Variants in RAPGEF2 observed in about 807,000 individuals in gnomAD.
The protein encoded by RAPGEF2 is Rap guanine nucleotide exchange factor 2.
RAPGEF2 carries 54 observed loss-of-function variants against 186.7 expected under a neutral mutation model. The observed-to-expected ratio is 0.29, with a 90% CI of 0.23 to 0.36. The LOEUF is 0.36. Ranked by LOEUF, RAPGEF2 falls within the 10% of genes least tolerant of loss-of-function variation. The pLI, the probability that RAPGEF2 is intolerant of heterozygous loss-of-function variation, is 1.00. For synonymous variants in RAPGEF2, 712 were observed against 705.9 expected (o/e 1.01, Z -0.14); for missense variants, 1,532 against 2,045.0 (o/e 0.75, Z 4.84).
intron 6 of RAPGEF2, among the ~76,000 whole-genome samples, chr4:159,242,848 T>C (rs902735943): frequency 3.5e-4 from 53 of 152,198 alleles, no homozygotes; most frequent in African/African-American, 1.3e-3. Context: ...CTAATTTTTT[T>C]CTGCTTTGGA....
intron 1 of RAPGEF2, among the ~76,000 whole-genome samples, chr4:159,134,318 GCTT>G (rs1015797335): frequency 6.6e-6 from 1 of 152,162 alleles, no homozygotes; most frequent in Non-Finnish European, 1.5e-5. Flanking sequence ...TCAATGGTTT[GCTT>G]CTTTTTATTG....
chr4:159,291,892 T>C (rs1265849955), intron 7 of RAPGEF2, among the ~76,000 whole-genome samples: 1 of 152,146 alleles, frequency 6.6e-6, no homozygotes, highest in Non-Finnish European at 1.5e-5. Context: ...TCAAAAGTAA[T>C]TCATATTTAT....
chr4:159,335,906 G>A (rs895069660), intron 17 of RAPGEF2, among the ~76,000 whole-genome samples: 4 of 151,158 alleles, frequency 2.6e-5, no homozygotes, highest in African/African-American at 9.7e-5. Context: ...CTTTTGTGCC[G>A]GAGTGGCCAA....
intron 3 of RAPGEF2, among the ~76,000 whole-genome samples, chr4:159,199,390 A>G (rs539209067): frequency 2.6e-5 from 4 of 152,280 alleles, no homozygotes; most frequent in South Asian, 4.1e-4. Flanking sequence ...CATAATCTTC[A>G]TGAGGGTAGG....
intron 29 of RAPGEF2, among the ~76,000 whole-genome samples, chr4:159,357,064 GA>G (rs1321015568): frequency 2.6e-5 from 4 of 151,750 alleles, no homozygotes; most frequent in Non-Finnish European, 5.9e-5. Context: ...GTCTGATAAA[GA>G]AAGATACATT....
chr4:159,321,697 T>G (rs1038883716), intron 9 of RAPGEF2, among the ~76,000 whole-genome samples: 1 of 152,214 alleles, frequency 6.6e-6, no homozygotes, highest in Non-Finnish European at 1.5e-5. Context: ...TTGAAGAGAC[T>G]GTGACATCAA....
intron 4 of RAPGEF2, among the ~76,000 whole-genome samples, chr4:159,237,070 G>T (rs1234118830): frequency 6.6e-6 from 1 of 152,122 alleles, no homozygotes; most frequent in Non-Finnish European, 1.5e-5. Context: ...GCCCAGGCTA[G>T]AGTGCAGTGG....
At chr4:159,149,756 G>C (rs926892299) in intron 1 of RAPGEF2, among the ~76,000 whole-genome samples, 1 of 152,182 alleles carries the variant, frequency 6.6e-6, no homozygotes, top group Non-Finnish European at 1.5e-5. Context: ...AATTGAGACT[G>C]TCCAGTCTGG....
At chr4:159,220,567 C>T (rs1387937356) in intron 4 of RAPGEF2, among the ~76,000 whole-genome samples, 3 of 152,164 alleles carry the variant, frequency 2.0e-5, no homozygotes, top group Non-Finnish European at 2.9e-5. Flanking sequence ...GCTTCCAACA[C>T]GCTCTACAGT....
chr4:159,335,210 A>G (rs1340513337), intron 17 of RAPGEF2, among the ~76,000 whole-genome samples: 1 of 152,192 alleles, frequency 6.6e-6, no homozygotes, highest in African/African-American at 2.4e-5. Context: ...TGATGTGCAT[A>G]GAGAGGAAGG....
intron 4 of RAPGEF2, among the ~76,000 whole-genome samples, chr4:159,219,646 C>T (rs149720111): frequency 0.061 from 9,332 of 152,178 alleles, 401 homozygotes; most frequent in South Asian, 0.12. Flanking sequence ...TGAGCCACCA[C>T]GCGCAGCCAT....
At chr4:159,242,308 T>A in intron 6 of RAPGEF2, among the ~76,000 whole-genome samples, 1 of 151,738 alleles carries the variant, frequency 6.6e-6, no homozygotes. Flanking sequence ...TAAAAATAGA[T>A]AATTAACAAC....
chr4:159,351,051 G>A (rs770662925), intron 26 of RAPGEF2: 1 of 1,529,720 alleles, frequency 6.5e-7, no homozygotes, highest in Non-Finnish European at 8.8e-7. Context: ...TTCTCATCCT[G>A]TTGTTAGGTG....
intron 7 of RAPGEF2, 22 bp from the exon 8 acceptor site, chr4:159,304,320 G>GT (rs1763027008): frequency 6.4e-7 from 1 of 1,573,130 alleles, no homozygotes; most frequent in African/African-American, 1.4e-5. Flanking sequence ...TGTAATCCTA[G>GT]TTTTTCCTGC....
intron 3 of RAPGEF2, among the ~76,000 whole-genome samples, chr4:159,205,747 G>T (rs537017126): frequency 2.6e-5 from 4 of 152,194 alleles, no homozygotes; most frequent in African/African-American, 7.2e-5. Flanking sequence ...CCCCATGATT[G>T]TAAGTTTCCT....
At chr4:159,316,625 A>G (rs956784273) in intron 9 of RAPGEF2, among the ~76,000 whole-genome samples, 1 of 152,194 alleles carries the variant, frequency 6.6e-6, no homozygotes, top group African/African-American at 2.4e-5. Flanking sequence ...AACTCCATCC[A>G]TGTCCCTGCA....
At chr4:159,108,641 T>C (rs1452936175) in intron 1 of RAPGEF2, among the ~76,000 whole-genome samples, 1 of 152,172 alleles carries the variant, frequency 6.6e-6, no homozygotes, top group Non-Finnish European at 1.5e-5. Context: ...TTTGGGTAGA[T>C]TTTGGATGAT....
intron 10 of RAPGEF2, among the ~76,000 whole-genome samples, 153 bp downstream of exon 10, chr4:159,322,636 C>T (rs1271957393): frequency 6.6e-6 from 1 of 152,182 alleles, no homozygotes; most frequent in Non-Finnish European, 1.5e-5. Context: ...TGTTATGTCA[C>T]TGTATTAGTC....
At chr4:159,315,768 C>T (rs149549022) in intron 9 of RAPGEF2, among the ~76,000 whole-genome samples, 1 of 152,308 alleles carries the variant, frequency 6.6e-6, no homozygotes, top group East Asian at 1.9e-4. Context: ...ATTATTTCTG[C>T]ATATCAGAGA....
Sources: allele counts gnomAD v4.1 joint callset (sites outside exome capture counted in the v4.1 genomes callset), GRCh38; gene constraint gnomAD v4.1.1; transcripts MANE v1.5; gene names NCBI Gene and HGNC (gene_info 2026-07-23, HGNC 2026-07-21).